NEK11: variants seen among roughly 807,000 people sequenced by gnomAD.
NEK11 encodes the protein serine/threonine-protein kinase Nek11.
A neutral mutation model predicts 80.7 loss-of-function variants in NEK11; 72 were observed. That is an observed-to-expected ratio of 0.89 (90% CI 0.74 to 1.08). The LOEUF is 1.08. NEK11 is among the 50% of genes least tolerant of loss of function. The pLI is 0.00. For missense variants in NEK11, 764 were observed against 763.6 expected (o/e 1.00, Z -0.01); for synonymous variants, 251 against 260.7 (o/e 0.96, Z 0.36).
At chr3:131,280,877 C>T (rs1451781043) in intron 17 of NEK11, among the ~76,000 whole-genome samples, 3 of 152,184 alleles carry the variant, frequency 2.0e-5, no homozygotes, top group Non-Finnish European at 1.5e-5. Flanking sequence ...GGTTATTTCC[C>T]ATTACTGCAG....
chr3:131,030,575 G>A (rs1422155747), intron 3 of NEK11, among the ~76,000 whole-genome samples: 1 of 152,166 alleles, frequency 6.6e-6, no homozygotes, highest in Non-Finnish European at 1.5e-5. Flanking sequence ...GAGATGAATA[G>A]GGTATACCAA....
At chr3:131,087,958 T>C (rs1450399961) in intron 4 of NEK11, 1 of 152,328 alleles carries the variant, frequency 6.6e-6, no homozygotes, top group East Asian at 1.9e-4. Flanking sequence ...TGACATTGAT[T>C]GGTGATCATC....
At chr3:131,183,873 A>G (rs1021189952) in intron 14 of NEK11, among the ~76,000 whole-genome samples, 2 of 152,144 alleles carry the variant, frequency 1.3e-5, no homozygotes, top group Non-Finnish European at 2.9e-5. Context: ...GTCTTCCACA[A>G]TGGTTGTACT....
At chr3:131,129,275 C>T (rs1003089238) in intron 5 of NEK11, among the ~76,000 whole-genome samples, 11 of 152,002 alleles carry the variant, frequency 7.2e-5, no homozygotes, top group African/African-American at 2.7e-4. Context: ...AGGATGGTCT[C>T]GATCTCCTGA....
At chr3:131,139,476 T>G (rs2086386587) in intron 7 of NEK11, among the ~76,000 whole-genome samples, 2 of 152,040 alleles carry the variant, frequency 1.3e-5, no homozygotes, top group South Asian at 4.1e-4. Context: ...AGAAGTTTAT[T>G]AAAAGGAATA....
At chr3:131,253,249 C>T (rs1395290431) in intron 16 of NEK11, among the ~76,000 whole-genome samples, 1 of 152,086 alleles carries the variant, frequency 6.6e-6, no homozygotes, top group Non-Finnish European at 1.5e-5. Flanking sequence ...TTTTCTCATA[C>T]ATGGAAAACA....
At chr3:131,239,043 C>A (rs1580707965) in intron 15 of NEK11, among the ~76,000 whole-genome samples, 1 of 152,054 alleles carries the variant, frequency 6.6e-6, no homozygotes, top group South Asian at 2.1e-4. Context: ...AGGCCACTTC[C>A]TGGCTGCTTG....
intron 3 of NEK11, among the ~76,000 whole-genome samples, chr3:131,057,947 A>T (rs2069933403): frequency 6.6e-6 from 1 of 152,260 alleles, no homozygotes; most frequent in African/African-American, 2.4e-5. Flanking sequence ...GGTGTTTTAG[A>T]CATGAAGTCC....
chr3:131,133,375 T>C, intron 6 of NEK11: 2 of 425,880 alleles, frequency 4.7e-6, no homozygotes, highest in African/African-American at 2.1e-5. Flanking sequence ...AAAAAGCTGA[T>C]AGATTCAAAT....
intron 4 of NEK11, among the ~76,000 whole-genome samples, chr3:131,094,219 C>T (rs1431279485): frequency 1.3e-5 from 2 of 151,378 alleles, no homozygotes; most frequent in Non-Finnish European, 2.9e-5. Flanking sequence ...CCAAAAGACC[C>T]ATTCAGTGGG....
chr3:131,219,094 G>T (rs1252821251), intron 14 of NEK11, among the ~76,000 whole-genome samples: 1 of 152,128 alleles, frequency 6.6e-6, no homozygotes, highest in African/African-American at 2.4e-5. Context: ...ACATGCACAT[G>T]TATGTTTATT....
intron 2 of NEK11, 92 bp from the exon 3 acceptor site, chr3:131,029,521 G>C (rs1212201426): frequency 6.4e-6 from 3 of 469,570 alleles, no homozygotes; most frequent in Non-Finnish European, 1.1e-5. Flanking sequence ...TCAGTCTGCT[G>C]ATCAAGGTGC....
intron 14 of NEK11, among the ~76,000 whole-genome samples, chr3:131,222,911 G>A (rs1191746958): frequency 1.3e-5 from 2 of 152,204 alleles, no homozygotes; most frequent in Admixed American, 6.5e-5. Flanking sequence ...TGAAGGATCT[G>A]ATAAAGGCCA....
At chr3:131,299,921 G>T (rs1372069543) in intron 17 of NEK11, among the ~76,000 whole-genome samples, 1 of 152,138 alleles carries the variant, frequency 6.6e-6, no homozygotes, top group African/African-American at 2.4e-5. Context: ...ATGATTGGTA[G>T]TTCTATTTTT....
At chr3:131,097,290 G>A (rs1389943364) in intron 4 of NEK11, among the ~76,000 whole-genome samples, 1 of 151,808 alleles carries the variant, frequency 6.6e-6, no homozygotes, top group East Asian at 1.9e-4. Flanking sequence ...TCTAGTTCTA[G>A]ATCCCTGAGG....
rs867549564 is a variant in NEK11, at chr3:131,336,940, G to T, written c.1719-12617G>T. Among the ~76,000 whole-genome samples the T allele has an allele frequency of 4.6e-5, 7 of 152,096 alleles. 1 individual carries two copies. The South Asian group carries it at 1.2e-3, about 27-fold the overall frequency. On this transcript the variant is annotated intron_variant, in intron 17 of 17. Coordinates refer to ENST00000383366, the MANE Select transcript of NEK11 (RefSeq NM_024800.5). ...ATACCATCTCACACCAGTTAGAATG[G>T]CAATCATTAAAAAGTCAGGAAACAA...
chr3:131,256,810 T>G (rs910944878), intron 16 of NEK11, among the ~76,000 whole-genome samples: 4 of 152,082 alleles, frequency 2.6e-5, no homozygotes, highest in African/African-American at 9.7e-5. Flanking sequence ...TGGCCTCAGA[T>G]CCCTTCCAAA....
At chr3:131,109,127 GA>G (rs2079660616) in intron 4 of NEK11, among the ~76,000 whole-genome samples, 1 of 152,038 alleles carries the variant, frequency 6.6e-6, no homozygotes, top group African/African-American at 2.4e-5. Flanking sequence ...AGGTTTGTGT[GA>G]TAACTTTTCT....
intron 14 of NEK11, among the ~76,000 whole-genome samples, chr3:131,226,558 T>C (rs2095204656): frequency 1.3e-5 from 2 of 152,214 alleles, no homozygotes; most frequent in African/African-American, 4.8e-5. Context: ...GCCATTATTC[T>C]AAGTGAAGTA....
Sources: gnomAD v4.1 joint callset for allele counts (sites outside exome capture counted in the v4.1 genomes callset) on GRCh38, gnomAD v4.1.1 for gene constraint, MANE v1.5 for transcripts, NCBI Gene and HGNC (gene_info 2026-07-23, HGNC 2026-07-21) for gene names.